The following MACROD2 variants were observed in gnomAD, a reference collection of about 807,000 sequenced individuals.
MACROD2 encodes the protein mono-ADP ribosylhydrolase 2.
MACROD2 carries 36 observed loss-of-function variants against 70.4 expected under a neutral mutation model. The ratio of observed to expected loss-of-function variants is 0.51; its 90% CI spans 0.39 to 0.68. The LOEUF (loss-of-function observed/expected upper bound fraction) is 0.68. Among genes scored for constraint, MACROD2 ranks in the 30% least tolerant of loss-of-function variants. The pLI, the probability that MACROD2 is intolerant of heterozygous loss-of-function variation, is 0.00. For missense variants in MACROD2, 496 were observed against 538.4 expected, an observed-to-expected ratio of 0.92 and a Z score of 0.78; for synonymous variants, 172 against 178.8, an observed-to-expected ratio of 0.96 and a Z score of 0.30.
chr20:14,750,956 T>C (rs2123735649), intron 5 of MACROD2, among the ~76,000 whole-genome samples: 1 of 152,244 alleles, frequency 6.6e-6, no homozygotes, highest in Non-Finnish European at 1.5e-5. Context: ...AGATCCCATG[T>C]ACAGTTGAAG....
At chr20:15,796,131 G>T (rs1261532426) in intron 8 of MACROD2, among the ~76,000 whole-genome samples, 1 of 152,142 alleles carries the variant, frequency 6.6e-6, no homozygotes, top group East Asian at 1.9e-4. Flanking sequence ...ATGGACGCAG[G>T]TATTAATGGA....
rs371752040 is a variant in MACROD2, at chr20:14,872,221, G to T, written c.418+187262G>T. On this transcript the variant is annotated intron_variant, in intron 5 of 17. Transcript: ENST00000684519. ...CTGCCATTTTCAACTCATGGTTTCT[G>T]CAGTTGTTGTGAGCATTGACACTAG... Among the ~76,000 whole-genome samples the T allele has an allele frequency of 7.2e-5, 11 of 152,246 alleles. No homozygotes were observed. In the East Asian group the frequency reaches 7.7e-4, roughly 11 times the overall value.
At chr20:14,465,000 A>G (rs1279170268) in intron 3 of MACROD2, among the ~76,000 whole-genome samples, 28 of 152,082 alleles carry the variant, frequency 1.8e-4, no homozygotes, top group Non-Finnish European at 2.9e-5. Context: ...GCTGAAAAGA[A>G]TGTATATTCT....
At chr20:15,240,579 G>A (rs1036889001) in intron 6 of MACROD2, among the ~76,000 whole-genome samples, 1 of 152,082 alleles carries the variant, frequency 6.6e-6, no homozygotes, top group Non-Finnish European at 1.5e-5. Context: ...AAAAGAAGAA[G>A]AAGAAAAAGG....
intron 8 of MACROD2, among the ~76,000 whole-genome samples, chr20:15,594,019 A>G (rs2048713189): frequency 1.3e-5 from 2 of 149,300 alleles, no homozygotes; most frequent in African/African-American, 5.2e-5. Flanking sequence ...CACAGGACAC[A>G]TATCTATCTG....
At chr20:15,757,404 A>C (rs2051363520) in intron 8 of MACROD2, among the ~76,000 whole-genome samples, 1 of 152,182 alleles carries the variant, frequency 6.6e-6, no homozygotes, top group Non-Finnish European at 1.5e-5. Flanking sequence ...TGGACTTCTA[A>C]GAACTAGAAG....
At position 14,728,065 on chromosome 20, in the gene MACROD2, C is replaced by A. The variant is rs190316551; in HGVS notation, c.418+43106C>A. Among the ~76,000 whole-genome samples the A allele has an allele frequency of 3.8e-3, 571 of 152,158 alleles. 19 individuals are homozygous for A. Among genetic ancestry groups the A allele is most frequent in the Admixed American group, 0.033 (504 of 15,276 alleles). On this transcript the variant is annotated intron_variant, in intron 5 of 17. Coordinates refer to ENST00000684519, the MANE Select transcript of MACROD2 (RefSeq NM_001351661.2). Reference sequence around the variant, plus strand: ...GAGAAAAATTATGACCCAGTAATTTCTTCTCTTATTTAAAATGTCAAGCTC... The same window carrying A: ...GAGAAAAATTATGACCCAGTAATTTATTCTCTTATTTAAAATGTCAAGCTC...
At chr20:14,790,277 C>CTTTTTTTTT (rs2072434284) in intron 5 of MACROD2, among the ~76,000 whole-genome samples, 6 of 148,802 alleles carry the variant, frequency 4.0e-5, no homozygotes, top group African/African-American at 1.5e-4. Flanking sequence ...AAAAAAAAAA[C>CTTTTTTTTT]AAATATTTTA....
chr20:14,096,401 C>G (rs1315696287), intron 3 of MACROD2, among the ~76,000 whole-genome samples: 2 of 123,556 alleles, frequency 1.6e-5, no homozygotes, highest in African/African-American at 3.2e-5. Flanking sequence ...GAGTCTTGCT[C>G]TGTCACCCAG....
intron 3 of MACROD2, among the ~76,000 whole-genome samples, chr20:14,450,095 T>C (rs1448525332): frequency 6.6e-6 from 1 of 152,014 alleles, no homozygotes; most frequent in Non-Finnish European, 1.5e-5. Flanking sequence ...AAAAGACAAA[T>C]AGACAATGAC....
intron 8 of MACROD2, among the ~76,000 whole-genome samples, chr20:15,522,010 T>C (rs2047659596): frequency 6.6e-6 from 1 of 152,212 alleles, no homozygotes; most frequent in South Asian, 2.1e-4. Flanking sequence ...GTCTTTGGAC[T>C]TAAGTTGCTG....
intron 6 of MACROD2, among the ~76,000 whole-genome samples, chr20:15,242,430 A>AT (rs1272295898): frequency 1.3e-5 from 2 of 152,116 alleles, no homozygotes; most frequent in East Asian, 1.9e-4. Context: ...CTGTTGGATT[A>AT]TTTTTTATAT....
chr20:14,480,605 C>T (rs1306745833), intron 3 of MACROD2, among the ~76,000 whole-genome samples: 2 of 152,154 alleles, frequency 1.3e-5, no homozygotes, highest in Non-Finnish European at 2.9e-5. Flanking sequence ...AATGATAATA[C>T]TTCTGTCTGA....
intron 4 of MACROD2, among the ~76,000 whole-genome samples, chr20:14,571,578 C>T (rs2208129): frequency 0.64 from 97,496 of 151,770 alleles, 32,873 homozygotes; most frequent in East Asian, 0.93. Flanking sequence ...ATTTCATGGT[C>T]TCTAGTTGGA....
intron 3 of MACROD2, among the ~76,000 whole-genome samples, chr20:14,094,818 C>T (rs907077462): frequency 6.6e-6 from 1 of 152,138 alleles, no homozygotes; most frequent in African/African-American, 2.4e-5. Context: ...GTGTGTCAAA[C>T]AAGACTTGCT....
At chr20:14,581,977 T>A (rs568478054) in intron 4 of MACROD2, among the ~76,000 whole-genome samples, 20 of 152,262 alleles carry the variant, frequency 1.3e-4, no homozygotes, top group Admixed American at 1.1e-3. Flanking sequence ...CCTGATAGCA[T>A]CCCCAGTAAG....
At chr20:14,109,933 G>C (rs4000975) in intron 3 of MACROD2, among the ~76,000 whole-genome samples, 151,093 of 152,060 alleles carry the variant, frequency 0.99, 75,074 homozygotes, top group East Asian at 1. Context: ...AAAAACACAA[G>C]TACAGGCCAA....
intron 15 of MACROD2, among the ~76,000 whole-genome samples, chr20:16,029,222 A>G (rs2067120694): frequency 6.6e-6 from 1 of 152,232 alleles, no homozygotes; most frequent in South Asian, 2.1e-4. Context: ...TTATAAATAC[A>G]GTAACTTGCA....
intron 6 of MACROD2, among the ~76,000 whole-genome samples, chr20:15,283,406 C>T (rs2146092307): frequency 6.6e-6 from 1 of 152,320 alleles, no homozygotes; most frequent in Admixed American, 6.5e-5. Context: ...GGCACAGTGG[C>T]TCACATCTGT....
Sources: gnomAD v4.1 joint callset for allele counts (sites outside exome capture counted in the v4.1 genomes callset) on GRCh38, gnomAD v4.1.1 for gene constraint, MANE v1.5 for transcripts, NCBI Gene and HGNC (gene_info 2026-07-23, HGNC 2026-07-21) for gene names.